The following GPC6 variants were observed in gnomAD, a reference collection of about 807,000 sequenced individuals.
GPC6 encodes the protein glypican 6.
In GPC6, 14 loss-of-function variants were observed where a neutral mutation model predicts 55.2. That is an observed-to-expected ratio of 0.25 (90% CI 0.17 to 0.40). The LOEUF is 0.40. GPC6 is among the 10% of genes least tolerant of loss of function. GPC6 has a pLI of 1.00. For missense variants in GPC6, 641 were observed against 708.5 expected, an observed-to-expected ratio of 0.90 and a Z score of 1.08; for synonymous variants, 278 against 259.6, an observed-to-expected ratio of 1.07 and a Z score of -0.68.
chr13:93,386,356 G>A (rs1040600093), intron 1 of GPC6, among the ~76,000 whole-genome samples: 2 of 152,228 alleles, frequency 1.3e-5, no homozygotes, highest in South Asian at 2.1e-4. Context: ...TCCCCAGACC[G>A]TTCTAACACT....
chr13:94,124,030 G>A (rs1461625394), intron 4 of GPC6, among the ~76,000 whole-genome samples: 2 of 151,992 alleles, frequency 1.3e-5, no homozygotes, highest in Non-Finnish European at 2.9e-5. Context: ...AATGGGGAGG[G>A]GGAATCATTT....
At chr13:93,714,367 T>A (rs1025332096) in intron 2 of GPC6, among the ~76,000 whole-genome samples, 2 of 151,786 alleles carry the variant, frequency 1.3e-5, no homozygotes, top group African/African-American at 4.8e-5. Context: ...GTACTGCACA[T>A]CAAAACCACA....
intron 3 of GPC6, among the ~76,000 whole-genome samples, chr13:93,832,144 T>TATATATATATATAA (rs1467780054): frequency 9.9e-6 from 1 of 100,784 alleles, no homozygotes; most frequent in Non-Finnish European, 1.9e-5. Flanking sequence ...TATATATATA[T>TATATATATATATAA]AATGTCCTTA....
chr13:93,223,244 C>T (rs1472836017), upstream of GPC6, among the ~76,000 whole-genome samples: 1 of 152,054 alleles, frequency 6.6e-6, no homozygotes, highest in Non-Finnish European at 1.5e-5. Flanking sequence ...TCACCTATGG[C>T]TGCTCTTCAA....
rs369082922 is a variant in GPC6, at chr13:93,613,509, AAC to A, written c.319+68106_319+68107del. ...AATCATTCTCTGTGACAGACAAGCA[AAC>A]ACACACACACACACACAAAACACAC... On this transcript the variant is annotated intron_variant, in intron 2 of 8. Transcript: ENST00000377047. Among the ~76,000 whole-genome samples, 453 of 142,944 alleles carry A rather than the reference AAC, an allele frequency of 3.2e-3. 4 individuals are homozygous for A. Among genetic ancestry groups the A allele is most frequent in the South Asian group, 0.013 (56 of 4,260 alleles). The allele number at this position is 142,944 out of a possible 152,430, so 93.8% of individuals were successfully genotyped here. A position where few individuals can be genotyped will look rare whatever the true frequency, so the allele number is the denominator to read the frequency against.
intron 2 of GPC6, among the ~76,000 whole-genome samples, chr13:93,781,887 G>A (rs1177553459): frequency 1.3e-5 from 2 of 152,032 alleles, no homozygotes; most frequent in Admixed American, 1.3e-4. Flanking sequence ...TGTATACATT[G>A]GAGGTGGCTA....
At chr13:94,091,379 T>C (rs1312672861) in intron 4 of GPC6, among the ~76,000 whole-genome samples, 2 of 152,158 alleles carry the variant, frequency 1.3e-5, no homozygotes, top group African/African-American at 4.8e-5. Context: ...CTGATCTTGT[T>C]ATTTCTCTTC....
chr13:94,338,778 T>C (rs945117432), intron 6 of GPC6, among the ~76,000 whole-genome samples: 1 of 152,162 alleles, frequency 6.6e-6, no homozygotes, highest in African/African-American at 2.4e-5. Flanking sequence ...GTAAAATGCC[T>C]CGAGGAGAGC....
chr13:93,393,434 A>G (rs939076640), intron 1 of GPC6, among the ~76,000 whole-genome samples: 1 of 152,032 alleles, frequency 6.6e-6, no homozygotes, highest in Non-Finnish European at 1.5e-5. Context: ...GTGAATCACC[A>G]TGCCTGGCCA....
chr13:93,874,889 A>G (rs138386315), intron 3 of GPC6, among the ~76,000 whole-genome samples: 340 of 152,038 alleles, frequency 2.2e-3, no homozygotes, highest in Non-Finnish European at 3.5e-3. Flanking sequence ...CCATTATCTA[A>G]AATCATCACA....
chr13:93,811,428 G>A (rs1269886881), intron 2 of GPC6, among the ~76,000 whole-genome samples: 1 of 152,134 alleles, frequency 6.6e-6, no homozygotes, highest in African/African-American at 2.4e-5. Context: ...TATTTCACAT[G>A]GACTGGTCAT....
intron 4 of GPC6, among the ~76,000 whole-genome samples, chr13:94,072,553 C>T (rs747459657): frequency 7.9e-5 from 12 of 152,174 alleles, no homozygotes; most frequent in Non-Finnish European, 1.8e-4. Flanking sequence ...GGGGTTTCAC[C>T]ATGTTGGCAA....
intron 4 of GPC6, among the ~76,000 whole-genome samples, chr13:94,197,874 T>TA (rs150174472): frequency 0.11 from 16,545 of 152,154 alleles, 1,038 homozygotes; most frequent in East Asian, 0.21. Flanking sequence ...TTAGCAGTGT[T>TA]AAAAAAAGCT....
At chr13:93,719,702 A>G (rs1414146990) in intron 2 of GPC6, among the ~76,000 whole-genome samples, 1 of 152,022 alleles carries the variant, frequency 6.6e-6, no homozygotes, top group Non-Finnish European at 1.5e-5. Context: ...CCCATTCAGT[A>G]TGATATTGGT....
At chr13:93,800,588 A>C (rs1438062141) in intron 2 of GPC6, among the ~76,000 whole-genome samples, 1 of 152,192 alleles carries the variant, frequency 6.6e-6, no homozygotes, top group African/African-American at 2.4e-5. Flanking sequence ...GCGCAAACAT[A>C]AACAGGTTTC....
chr13:94,206,623 G>A (rs930044403), intron 4 of GPC6, among the ~76,000 whole-genome samples: 5 of 152,210 alleles, frequency 3.3e-5, no homozygotes, highest in Non-Finnish European at 7.4e-5. Flanking sequence ...GGAGGCTGAG[G>A]CGAGCAGATC....
At chr13:94,372,519 G>A (rs1216822713) in intron 6 of GPC6, among the ~76,000 whole-genome samples, 3 of 152,152 alleles carry the variant, frequency 2.0e-5, no homozygotes, top group East Asian at 1.9e-4. Flanking sequence ...CTTAAAAAAC[G>A]GCGCACCACG....
At chr13:93,618,321 T>A (rs1301972059) in intron 2 of GPC6, among the ~76,000 whole-genome samples, 1 of 152,058 alleles carries the variant, frequency 6.6e-6, no homozygotes, top group Non-Finnish European at 1.5e-5. Flanking sequence ...GAGAAAATGA[T>A]AGGTTAGTAA....
At chr13:93,528,258 T>C (rs1456633445) in intron 1 of GPC6, among the ~76,000 whole-genome samples, 1 of 152,188 alleles carries the variant, frequency 6.6e-6, no homozygotes, top group Admixed American at 6.5e-5. Context: ...TTATTGTATA[T>C]CACCCCAGAC....
Sources: allele counts gnomAD v4.1 joint callset (sites outside exome capture counted in the v4.1 genomes callset), GRCh38; gene constraint gnomAD v4.1.1; transcripts MANE v1.5; gene names NCBI Gene and HGNC (gene_info 2026-07-23, HGNC 2026-07-21).